The following COPZ1 variants were observed in gnomAD, a reference collection of about 807,000 sequenced individuals.
The protein encoded by COPZ1 is coatomer subunit zeta-1.
A neutral mutation model predicts 31.7 loss-of-function variants in COPZ1; 4 were observed. The observed-to-expected ratio is 0.13, with a 90% confidence interval of 0.06 to 0.29. The LOEUF is 0.29. COPZ1 is among the 10% of genes least tolerant of loss of function. COPZ1 has a pLI of 1.00. For synonymous variants in COPZ1, 74 were observed against 79.0 expected (o/e 0.94, Z 0.33); for missense variants, 156 against 211.5 (o/e 0.74, Z 1.63).
In COPZ1 at chr12:54,343,230, A is replaced by G. The variant is rs755929081; in HGVS notation, c.175A>G (p.Ile59Val). Reference protein sequence around the residue: ...FNKTHRTDSEIALLEGLTVVY... With the variant: ...FNKTHRTDSEVALLEGLTVVY... ...TACTTTTTTTCCCCCACCAGGTGAA[A>G]TTGCCCTCTTGGAAGGCCTGACAGT... The change falls in exon 4 of 9, where the codon ATT (isoleucine) becomes GTT (valine). Residue 59 changes from isoleucine to valine, a missense_variant. Ile to Val is a conservative substitution (Grantham distance 29). Transcript: ENST00000262061. 1 of 1,613,664 alleles carries G rather than the reference A, an allele frequency of 6.2e-7. No individual in the cohort carries two copies. Among genetic ancestry groups the G allele is most frequent in the Admixed American group, 1.7e-5 (1 of 59,996 alleles).
chr12:54,347,266 C>G (rs1255167899), intron 5 of COPZ1, among the ~76,000 whole-genome samples: 1 of 152,178 alleles, frequency 6.6e-6, no homozygotes, highest in African/African-American at 2.4e-5. Flanking sequence ...ACCCTGCCCC[C>G]TCTTTGGGCT....
At chr12:54,341,785 G>A (rs980207171) in intron 2 of COPZ1, among the ~76,000 whole-genome samples, 1 of 152,176 alleles carries the variant, frequency 6.6e-6, no homozygotes, top group Admixed American at 6.5e-5. Context: ...CCATTCCTCA[G>A]CTTCATACAG....
intron 3 of COPZ1, chr12:54,342,668 G>T: frequency 4.5e-6 from 1 of 224,682 alleles, no homozygotes; most frequent in Non-Finnish European, 8.9e-6. Flanking sequence ...TAGGGAAATA[G>T]GTATAGTGGG....
At chr12:54,328,136 C>T (rs542034734) in intron 1 of COPZ1, among the ~76,000 whole-genome samples, 1 of 150,220 alleles carries the variant, frequency 6.7e-6, no homozygotes, top group South Asian at 2.1e-4. Context: ...AATAGCTGGG[C>T]GTGGTGGCAC....
At chr12:54,327,765 A>T (rs1953680633) in intron 1 of COPZ1, among the ~76,000 whole-genome samples, 1 of 152,016 alleles carries the variant, frequency 6.6e-6, no homozygotes, top group African/African-American at 2.4e-5. Context: ...CCCTGTCTCT[A>T]AAAAAATAAG....
chr12:54,343,505 T>G lies in COPZ1; in HGVS notation c.261+189T>G, dbSNP rs140969812. 1.7e-3 allele frequency among the ~76,000 whole-genome samples: 259 copies of G among 152,334 alleles called. 1 individual carries two copies. Among genetic ancestry groups the G allele is most frequent in the Non-Finnish European group, 3.0e-3 (202 of 68,032 alleles). On this transcript the variant is annotated intron_variant, in intron 4 of 8. Coordinates refer to ENST00000262061, the MANE Select transcript of COPZ1 (RefSeq NM_016057.3). Reference sequence around the variant, plus strand: ...AAATGAATCGCCTAGAAAGGAAGTTTTCCTAGATTAATCTTTTGCATCCAT... The same window carrying G: ...AAATGAATCGCCTAGAAAGGAAGTTGTCCTAGATTAATCTTTTGCATCCAT...
chr12:54,348,139 G>T, intron 7 of COPZ1, 88 bp downstream of exon 7: 1 of 1,179,922 alleles, frequency 8.5e-7, no homozygotes, highest in Non-Finnish European at 1.3e-6. Flanking sequence ...CAGTAGTTGG[G>T]GCTCATAGGA....
At chr12:54,349,501 AGT>A in intron 7 of COPZ1, 117 bp from the exon 8 acceptor site, 1 of 828,258 alleles carries the variant, frequency 1.2e-6, no homozygotes, top group Non-Finnish European at 2.1e-6. Context: ...TGAGAAGTTC[AGT>A]GCATCTGCCC....
At chr12:54,338,044 G>C (rs1953904640) in intron 1 of COPZ1, among the ~76,000 whole-genome samples, 1 of 152,156 alleles carries the variant, frequency 6.6e-6, no homozygotes, top group African/African-American at 2.4e-5. Flanking sequence ...TTGGCTGGGG[G>C]CCATTAGGGC....
At chr12:54,339,998 T>C (rs1015807773) in intron 1 of COPZ1, among the ~76,000 whole-genome samples, 1 of 151,618 alleles carries the variant, frequency 6.6e-6, no homozygotes, top group African/African-American at 2.4e-5. Context: ...TGTGTGTGTG[T>C]GTGTGTGTGT....
chr12:54,345,030 G>C (rs754219438), intron 4 of COPZ1: 1 of 153,710 alleles, frequency 6.5e-6, no homozygotes, highest in South Asian at 2.0e-4. Flanking sequence ...CTGGGATAGA[G>C]TCAGAGTCTA....
chr12:54,340,442 T>C, intron 1 of COPZ1, 105 bp from the exon 2 acceptor site: 1 of 1,534,536 alleles, frequency 6.5e-7, no homozygotes, highest in Non-Finnish European at 8.7e-7. Flanking sequence ...CTTACAGAGG[T>C]ACCTCTGTAT....
In COPZ1 at chr12:54,329,986, TCAATTA is replaced by T. The variant is rs377408461; in HGVS notation, c.18+4808_18+4813del. Among the ~76,000 whole-genome samples the T allele has an allele frequency of 1.6e-4, 25 of 152,250 alleles. No individual in the cohort carries two copies. The East Asian group carries it at 4.8e-3, about 29-fold the overall frequency. On this transcript the variant is annotated intron_variant, in intron 1 of 8. Coordinates refer to ENST00000262061, the MANE Select transcript of COPZ1 (RefSeq NM_016057.3). ...CCTCCCCCTGCTCTGGGCAAAGGTA[TCAATTA>T]CATTAAGCCCCTAAAGCACTCCCAT...
Position 54,350,861 on chromosome 12 carries a change from T to G in COPZ1, c.*338T>G, listed in dbSNP as rs962209665. 3.7e-5 allele frequency: 12 copies of G among 326,884 alleles called. No homozygotes were observed. Among genetic ancestry groups the G allele is most frequent in the African/African-American group, 2.3e-4 (11 of 48,364 alleles). The allele number at this position is 326,884 out of a possible 1,614,324, so 20.2% of individuals were successfully genotyped here. A position where few individuals can be genotyped will look rare whatever the true frequency, so the allele number is the denominator to read the frequency against. On this transcript the variant is annotated 3_prime_UTR_variant, in exon 9 of 9. Coordinates refer to ENST00000262061, the MANE Select transcript of COPZ1 (RefSeq NM_016057.3). ...CCTTTGCTGTAGCTACACTTCAGAT[T>G]AAAGTAGGAGAAAGAATGTGCTGAG... is the stretch of plus-strand genomic sequence containing the variant.
At chr12:54,328,258 A>G (rs1419271781) in intron 1 of COPZ1, among the ~76,000 whole-genome samples, 6 of 131,194 alleles carry the variant, frequency 4.6e-5, no homozygotes. Flanking sequence ...CCCAGGCGAC[A>G]GTGTTAGACT....
At chr12:54,350,223 T>G (rs577538696) in intron 8 of COPZ1, 2 of 440,962 alleles carry the variant, frequency 4.5e-6, no homozygotes, top group South Asian at 5.2e-5. Flanking sequence ...AGTAACTCCC[T>G]TTTTTTTTTT....
At chr12:54,340,399 A>C (rs1016115883) in intron 1 of COPZ1, 148 bp from the exon 2 acceptor site, 2 of 1,305,388 alleles carry the variant, frequency 1.5e-6, no homozygotes, top group African/African-American at 1.5e-5. Flanking sequence ...CTCAATGGGA[A>C]ATATCAAAAT....
At chr12:54,325,328 C>A in intron 1 of COPZ1, 147 bp downstream of exon 1, 1 of 1,072,278 alleles carries the variant, frequency 9.3e-7, no homozygotes, top group Non-Finnish European at 1.3e-6. Context: ...AGTGTGTGGC[C>A]TAGTGTAGGA....
intron 2 of COPZ1, 55 bp downstream of exon 2, chr12:54,340,670 T>G (rs1953958702): frequency 1.3e-6 from 2 of 1,560,416 alleles, no homozygotes; most frequent in Middle Eastern, 3.4e-4. Context: ...ATTCTGAGAT[T>G]TGAATCTTGG....
Sources: allele counts gnomAD v4.1 joint callset (sites outside exome capture counted in the v4.1 genomes callset), GRCh38; gene constraint gnomAD v4.1.1; transcripts MANE v1.5; gene names NCBI Gene and HGNC (gene_info 2026-07-23, HGNC 2026-07-21).